The following SYCP3 variants were observed in gnomAD, a reference collection of about 807,000 sequenced individuals.
SYCP3 encodes synaptonemal complex protein 3.
A neutral mutation model predicts 38.5 loss-of-function variants in SYCP3; 29 were observed. The observed-to-expected ratio is 0.75, with a 90% confidence interval of 0.56 to 1.03. The LOEUF is 1.03. SYCP3 is among the 50% of genes least tolerant of loss of function. The pLI, the probability that SYCP3 is intolerant of heterozygous loss-of-function variation, is 0.00. For missense variants in SYCP3, 242 were observed against 270.7 expected (o/e 0.89, Z 0.74); for synonymous variants, 79 against 80.3 (o/e 0.98, Z 0.08).
At chr12:101,736,535 CTCTA>C (rs1052537883) in intron 4 of SYCP3, among the ~76,000 whole-genome samples, 5 of 151,968 alleles carry the variant, frequency 3.3e-5, no homozygotes, top group South Asian at 2.1e-4. Context: ...AATTATAAAA[CTCTA>C]TCTAGCAAAA....
At chr12:101,737,977 C>T (rs1422794489) in intron 1 of SYCP3, 25 bp from the exon 2 acceptor site, 1 of 1,611,780 alleles carries the variant, frequency 6.2e-7, no homozygotes, top group Non-Finnish European at 8.5e-7. Flanking sequence ...TTTCTTTAAC[C>T]TTCTGAATGC....
At chr12:101,735,871 A>ATATATTTTT in intron 4 of SYCP3, among the ~76,000 whole-genome samples, 3 of 74,790 alleles carry the variant, frequency 4.0e-5, no homozygotes, top group African/African-American at 6.3e-5. Flanking sequence ...ATATATATAT[A>ATATATTTTT]TTTTTTTTTT....
At chr12:101,734,896 T>C (rs1478822734) in intron 5 of SYCP3, 31 bp downstream of exon 5, 1 of 1,358,656 alleles carries the variant, frequency 7.4e-7, no homozygotes. Context: ...TACTAAGAAA[T>C]GTGGCTCTAA....
chr12:101,734,238 T>C (rs974069332), intron 5 of SYCP3, among the ~76,000 whole-genome samples: 2 of 152,212 alleles, frequency 1.3e-5, no homozygotes, highest in Admixed American at 1.3e-4. Context: ...TTACCTTTTA[T>C]TCAACTAGTG....
At chr12:101,737,126 G>A in intron 3 of SYCP3, 55 bp from the exon 4 acceptor site, 1 of 1,609,320 alleles carries the variant, frequency 6.2e-7, no homozygotes, top group Non-Finnish European at 8.5e-7. Context: ...TACCATGCTT[G>A]TTTTGGAAGA....
intron 7 of SYCP3, among the ~76,000 whole-genome samples, chr12:101,730,968 T>C (rs1952166438): frequency 6.6e-6 from 1 of 152,206 alleles, no homozygotes; most frequent in Non-Finnish European, 1.5e-5. Context: ...CTAAAAAGTA[T>C]ATTTCTGCCT....
intron 7 of SYCP3, among the ~76,000 whole-genome samples, chr12:101,730,077 GAC>G (rs1232076951): frequency 1.3e-5 from 2 of 152,102 alleles, no homozygotes; most frequent in Admixed American, 1.3e-4. Context: ...GGAGGCTACT[GAC>G]AGTTTTTCAA....
intron 7 of SYCP3, 59 bp downstream of exon 7, chr12:101,731,509 T>TAC: frequency 8.5e-7 from 1 of 1,172,662 alleles, no homozygotes; most frequent in South Asian, 1.7e-5. Context: ...AATTATCTTC[T>TAC]ACTTCCATAA....
chr12:101,729,376 T>A, intron 7 of SYCP3, 163 bp from the exon 8 acceptor site: 2 of 691,906 alleles, frequency 2.9e-6, no homozygotes, highest in Non-Finnish European at 2.4e-6. Context: ...AAATACCTAC[T>A]AAAAAAGAAA....
At chr12:101,730,491 AT>A (rs201662453) in intron 7 of SYCP3, 35,440 of 322,186 alleles carry the variant, frequency 0.11, 162 homozygotes, top group South Asian at 0.13. Context: ...TGTGTGTATA[AT>A]TTTTTTTTTT....
intron 4 of SYCP3, among the ~76,000 whole-genome samples, chr12:101,736,708 ATGTGTGTGTGTGTGTG>A (rs34377603): frequency 2.7e-5 from 4 of 149,134 alleles, no homozygotes; most frequent in Middle Eastern, 3.4e-3. Context: ...ATGTATGTAT[ATGTGTGTGTGTGTGTG>A]TGTGTGTGTG....
At chr12:101,737,351 A>G in intron 2 of SYCP3, 53 bp from the exon 3 acceptor site, 2 of 1,470,968 alleles carry the variant, frequency 1.4e-6, no homozygotes, top group Non-Finnish European at 1.9e-6. Flanking sequence ...TGAATAGGTT[A>G]TTTTGGTAAA....
intron 1 of SYCP3, among the ~76,000 whole-genome samples, chr12:101,738,804 G>A (rs1437776901): frequency 6.6e-6 from 1 of 152,208 alleles, no homozygotes; most frequent in African/African-American, 2.4e-5. Context: ...CTGGAGAGGT[G>A]GCCCCTGAGG....
At chr12:101,731,077 T>C (rs1177977014) in intron 7 of SYCP3, among the ~76,000 whole-genome samples, 1 of 152,214 alleles carries the variant, frequency 6.6e-6, no homozygotes, top group African/African-American at 2.4e-5. Flanking sequence ...ATTATATCTG[T>C]TATTTTATGT....
Position 101,733,565 on chromosome 12 carries a change from T to G in SYCP3, c.453+10A>C. 6.2e-7 allele frequency: 1 copy of G among 1,609,358 alleles called. No homozygotes were observed. On this transcript the variant is annotated intron_variant, in intron 6 of 8. Transcript: ENST00000392924. Reference sequence around the variant, plus strand: ...ACTTGGTTGATTATAAACCTAATCATGATACCAACAAGTATTTTTTCTTCT... The same window carrying G: ...ACTTGGTTGATTATAAACCTAATCAGGATACCAACAAGTATTTTTTCTTCT...
intron 5 of SYCP3, 73 bp from the exon 6 acceptor site, chr12:101,733,747 G>A (rs1239950516): frequency 7.3e-7 from 1 of 1,363,860 alleles, no homozygotes; most frequent in Non-Finnish European, 1.0e-6. Context: ...AAACTGAGTT[G>A]ACACAGTTAT....
chr12:101,731,845 T>C, intron 6 of SYCP3, 179 bp from the exon 7 acceptor site: 1 of 450,420 alleles, frequency 2.2e-6, no homozygotes, highest in Non-Finnish European at 3.9e-6. Flanking sequence ...TGTAACAATA[T>C]ATTAATTCTA....
chr12:101,731,677 AAAAG>A lies in SYCP3; in HGVS notation c.454-15_454-12del, dbSNP rs769018029. ...CTGTCGAAACATATTCTACAAATAT[AAAAG>A]AAAAAAAACTGTGTAATAACAATTT... On this transcript the variant is annotated splice_polypyrimidine_tract_variant and intron_variant, in intron 6 of 8. Transcript: ENST00000392924. The A allele has an allele frequency of 9.5e-5, 143 of 1,505,756 alleles. 2 individuals carry two copies. The South Asian group carries it at 2.1e-3, about 23-fold the overall frequency. 93.3% of individuals were successfully genotyped at this position (1,505,756 alleles called of 1,614,324 possible). A position where few individuals can be genotyped will look rare whatever the true frequency, so the allele number is the denominator to read the frequency against.
intron 2 of SYCP3, chr12:101,737,516 G>GT: frequency 1.5e-6 from 1 of 650,808 alleles, no homozygotes. Context: ...GTCTCCCTGG[G>GT]TTAATGTCAC....
Sources: gnomAD v4.1 joint callset for allele counts (sites outside exome capture counted in the v4.1 genomes callset) on GRCh38, gnomAD v4.1.1 for gene constraint, MANE v1.5 for transcripts, NCBI Gene and HGNC (gene_info 2026-07-23, HGNC 2026-07-21) for gene names.